ROBO2: variants seen among roughly 807,000 people sequenced by gnomAD.
The protein encoded by ROBO2 is roundabout homolog 2.
Under a neutral mutation model 160.8 loss-of-function variants are expected in ROBO2, and 53 were observed. That is an observed-to-expected ratio of 0.33 (90% CI 0.26 to 0.41). The LOEUF (loss-of-function observed/expected upper bound fraction) is 0.41, where lower values mean the gene tolerates loss of function less well. ROBO2 is among the 10% of genes least tolerant of loss of function. ROBO2 has a pLI of 1.00. For missense variants in ROBO2, 1,577 were observed against 1,722.4 expected (o/e 0.92, Z 1.49); for synonymous variants, 664 against 611.7 (o/e 1.09, Z -1.26).
intron 2 of ROBO2, among the ~76,000 whole-genome samples, chr3:77,140,852 A>G (rs1009765744): frequency 1.3e-5 from 2 of 152,200 alleles, no homozygotes; most frequent in Non-Finnish European, 2.9e-5. Context: ...GAAACCTATA[A>G]TAACTCTTCT....
In ROBO2 at chr3:77,392,352, G is replaced by C. The variant is rs373815967; in HGVS notation, c.389-85062G>C. ...TCCTAATAGGGATTAATTTAGTTAC[G>C]GGTGACAGGATAAGCTGCAACGGCA... On this transcript the variant is annotated intron_variant, in intron 2 of 25. Coordinates refer to ENST00000461745, the Ensembl canonical transcript of ROBO2. Among the ~76,000 whole-genome samples the C allele has an allele frequency of 4.6e-5, 7 of 152,208 alleles. No individual in the cohort carries two copies. In the South Asian group the frequency reaches 1.0e-3, roughly 23 times the overall value.
At chr3:77,585,337 T>C (rs2094018889) in intron 16 of ROBO2, among the ~76,000 whole-genome samples, 1 of 151,468 alleles carries the variant, frequency 6.6e-6, no homozygotes, top group African/African-American at 2.4e-5. Context: ...AGTTATGCAC[T>C]GAACAATTGA....
At chr3:77,083,244 C>T (rs748766872) in intron 1 of ROBO2, among the ~76,000 whole-genome samples, 4 of 152,126 alleles carry the variant, frequency 2.6e-5, no homozygotes, top group African/African-American at 4.8e-5. Flanking sequence ...TCCAAATAAA[C>T]GCTGAGCCCC....
At chr3:76,520,791 AAAAC>A (rs900757036) in intron 2 of ROBO2, among the ~76,000 whole-genome samples, 1 of 152,298 alleles carries the variant, frequency 6.6e-6, no homozygotes, top group East Asian at 1.9e-4. Context: ...AAAACAAAAC[AAAAC>A]AAACATTTTA....
intron 2 of ROBO2, among the ~76,000 whole-genome samples, chr3:77,160,661 AC>A (rs1438091077): frequency 6.6e-6 from 1 of 152,202 alleles, no homozygotes; most frequent in African/African-American, 2.4e-5. Flanking sequence ...TATGGGACAC[AC>A]CATGCAGTTT....
exon 9 of ROBO2, chr3:77,558,046 C>A (rs2093186519): frequency 1.9e-6 from 3 of 1,613,218 alleles, no homozygotes; most frequent in Non-Finnish European, 2.5e-6. Context: ...ACTGGTGATC[C>A]TCTTCCTGTA....
rs566591269 is a variant in ROBO2, at chr3:76,704,787, A to G, written c.110-393227A>G. Among the ~76,000 whole-genome samples the G allele has an allele frequency of 3.8e-4, 58 of 152,252 alleles. 1 individual carries two copies. Among genetic ancestry groups the G allele is most frequent in the African/African-American group, 1.3e-3 (56 of 41,562 alleles). ...CAGAAAGGTGCCAAAAATTAAGGTC[A>G]TAGCTAAGCAGGGCTCTCTAGAAGA... On this transcript the variant is annotated intron_variant, in intron 2 of 26. Coordinates refer to the ROBO2 transcript ENST00000487694.
At chr3:77,574,587 T>C in exon 14 of ROBO2, 1 of 1,613,436 alleles carries the variant, frequency 6.2e-7, no homozygotes, top group Non-Finnish European at 8.5e-7. Flanking sequence ...TGGCAGAATT[T>C]AGATGCCAAA....
chr3:76,604,096 G>A (rs6796517), intron 2 of ROBO2, among the ~76,000 whole-genome samples: 18,584 of 152,098 alleles, frequency 0.12, 1,332 homozygotes, highest in East Asian at 0.26. Context: ...TCTGTGGGTT[G>A]TCTTATCTAC....
intron 2 of ROBO2, among the ~76,000 whole-genome samples, chr3:76,190,502 C>T (rs1701956925): frequency 6.6e-6 from 1 of 152,036 alleles, no homozygotes; most frequent in Admixed American, 6.6e-5. Context: ...TTAGCATGGA[C>T]ATTGTTATAT....
At chr3:76,665,550 A>T (rs2110098980) in intron 2 of ROBO2, among the ~76,000 whole-genome samples, 1 of 151,820 alleles carries the variant, frequency 6.6e-6, no homozygotes, top group African/African-American at 2.4e-5. Flanking sequence ...AACAGCACAG[A>T]TGCTTAAGGC....
intron 2 of ROBO2, among the ~76,000 whole-genome samples, chr3:76,055,573 A>C (rs1443359419): frequency 2.0e-5 from 3 of 151,750 alleles, no homozygotes; most frequent in Non-Finnish European, 4.4e-5. Flanking sequence ...TTTAGCTCCT[A>C]CTTGTGAGAA....
At chr3:77,493,450 T>A in intron 5 of ROBO2, 68 bp downstream of exon 5, 1 of 1,538,294 alleles carries the variant, frequency 6.5e-7, no homozygotes, top group Non-Finnish European at 9.0e-7. Flanking sequence ...AAAGGACAGC[T>A]ACAATGCCAC....
chr3:76,235,615 A>G (rs1352891328), intron 2 of ROBO2, among the ~76,000 whole-genome samples: 3 of 152,224 alleles, frequency 2.0e-5, no homozygotes, highest in Non-Finnish European at 4.4e-5. Flanking sequence ...TTAAAGAGAC[A>G]TAAAAATTTA....
At chr3:76,939,288 A>G (rs986166323) in intron 2 of ROBO2, among the ~76,000 whole-genome samples, 2 of 152,202 alleles carry the variant, frequency 1.3e-5, no homozygotes, top group Non-Finnish European at 2.9e-5. Context: ...TCATGGTAAC[A>G]TATGTGAAAG....
chr3:76,338,825 TG>T (rs1206906890), intron 2 of ROBO2, among the ~76,000 whole-genome samples: 29 of 151,786 alleles, frequency 1.9e-4, no homozygotes, highest in Admixed American at 3.9e-4. Flanking sequence ...GTTGAACCAC[TG>T]TGTCTTTCTA....
chr3:76,750,247 T>C (rs921720109), intron 2 of ROBO2, among the ~76,000 whole-genome samples: 25 of 152,054 alleles, frequency 1.6e-4, no homozygotes, highest in South Asian at 6.2e-4. Context: ...AATTCAACAG[T>C]CCTTCATGCT....
intron 2 of ROBO2, among the ~76,000 whole-genome samples, chr3:76,184,931 T>G (rs558056312): frequency 1.3e-5 from 2 of 151,888 alleles, no homozygotes; most frequent in Admixed American, 6.6e-5. Flanking sequence ...GCAGATTGGA[T>G]AGTGCCTTCC....
chr3:77,091,849 G>A (rs1036153015), intron 1 of ROBO2, among the ~76,000 whole-genome samples: 3 of 151,838 alleles, frequency 2.0e-5, no homozygotes, highest in African/African-American at 7.3e-5. Context: ...GTGTGGTGGT[G>A]CGTGCCTGTA....
Sources: allele counts gnomAD v4.1 joint callset (sites outside exome capture counted in the v4.1 genomes callset), GRCh38; gene constraint gnomAD v4.1.1; transcripts MANE v1.5; gene names NCBI Gene and HGNC (gene_info 2026-07-23, HGNC 2026-07-21).